Variants in RGR observed in about 807,000 individuals in gnomAD.
The protein encoded by RGR is retinal G protein coupled receptor.
A neutral mutation model predicts 28.6 loss-of-function variants in RGR; 30 were observed. The ratio of observed to expected loss-of-function variants is 1.05; its 90% CI spans 0.78 to 1.42. The LOEUF is 1.42. Ranked by LOEUF, RGR falls within the 40% of genes most tolerant of loss-of-function variation. RGR has a pLI of 0.00. For missense variants in RGR, 404 were observed against 375.6 expected, an observed-to-expected ratio of 1.08 and a Z score of -0.62; for synonymous variants, 180 against 156.4, an observed-to-expected ratio of 1.15 and a Z score of -1.13.
intron 5 of RGR, among the ~76,000 whole-genome samples, chr10:84,255,879 C>A (rs2132888258): frequency 6.6e-6 from 1 of 150,990 alleles, no homozygotes; most frequent in South Asian, 2.1e-4. Context: ...CATGTGCCAC[C>A]ACACCCACCT....
Position 84,248,943 on chromosome 10 carries a change from C to T in RGR, c.258C>T (p.Asp86=), listed in dbSNP as rs561362389. ...SLLRRWPYGS[D]GCQAHGFQGF... ...ACAGGCGCTGGCCCTACGGCTCGGA[C>T]GGCTGCCAGGCTCACGGCTTCCAGG... The change falls in exon 3 of 7, where the codon GAC becomes GAT. Residue 86 remains aspartate, a synonymous_variant. Transcript: ENST00000652092. The T allele has an allele frequency of 6.1e-5, 98 of 1,614,106 alleles. No homozygotes were observed. Among genetic ancestry groups the T allele is most frequent in the East Asian group, 6.0e-4 (27 of 44,878 alleles).
rs1237096528 is a variant in RGR at position 84,248,990 on chromosome 10, G to A, written c.305G>A (p.Ser102Asn). 2.5e-6 allele frequency: 4 copies of A among 1,614,028 alleles called. No individual in the cohort carries two copies. In the South Asian group the frequency reaches 4.4e-5, roughly 18 times the overall value. Residue 102 changes from serine to asparagine, a missense_variant, in exon 3 of 7, where the codon AGC becomes AAC. Ser to Asn is a conservative substitution (Grantham distance 46). Coordinates refer to ENST00000652092, the MANE Select transcript of RGR (RefSeq NM_001012720.2). ...CAGGGCTTTGTGACAGCGTTGGCCAGCATCTGCAGCAGTGCAGCCATCGCA... is the reference window on the plus strand; with the variant it reads ...CAGGGCTTTGTGACAGCGTTGGCCAACATCTGCAGCAGTGCAGCCATCGCA... ...GFQGFVTALA[S>N]ICSSAAIAWG...
chr10:84,258,336 T>C (rs1589337544), intron 6 of RGR, among the ~76,000 whole-genome samples, 172 bp from the exon 7 acceptor site: 1 of 152,040 alleles, frequency 6.6e-6, no homozygotes. Flanking sequence ...AGAGTATGGC[T>C]CCATGGACTC....
chr10:84,248,322 G>T, intron 2 of RGR: 1 of 463,274 alleles, frequency 2.2e-6, no homozygotes, highest in South Asian at 4.2e-5. Flanking sequence ...CAAAAACCAG[G>T]GTCTTCCATC....
In RGR at chr10:84,247,693, C is replaced by T. The variant is rs199679824; in HGVS notation, c.182C>T (p.Ala61Val). The change falls in exon 2 of 7, where the codon GCG becomes GTG. Residue 61 changes from alanine to valine, a missense_variant. Ala to Val is a moderately conservative substitution (Grantham distance 64). Transcript: ENST00000652092. ...CTACTGGTGCTGAGCTTGGCTCTTGCGGACAGTGGGATCAGCCTGAATGCC... is the reference window on the plus strand; with the variant it reads ...CTACTGGTGCTGAGCTTGGCTCTTGTGGACAGTGGGATCAGCCTGAATGCC... Reference protein sequence around the residue: ...CHLLVLSLALADSGISLNALV... With the variant: ...CHLLVLSLALVDSGISLNALV... The T allele has an allele frequency of 1.7e-5, 27 of 1,614,174 alleles. No homozygotes were observed. Among genetic ancestry groups the T allele is most frequent in the Middle Eastern group, 1.6e-4 (1 of 6,062 alleles).
chr10:84,253,513 G>A (rs971834159), intron 4 of RGR, among the ~76,000 whole-genome samples: 1 of 152,188 alleles, frequency 6.6e-6, no homozygotes, highest in Non-Finnish European at 1.5e-5. Context: ...CATGGGGCTC[G>A]TGTTCTGGTA....
Position 84,257,946 on chromosome 10 carries a change from C to T in RGR, c.684C>T (p.Ala228=). ...TGCTGCTCGGCTGGGGCCCCTATGC[C>T]ATCCTGTATCTATACGCAGTCATCG... ...RTLLLGWGPY[A]ILYLYAVIAD... is the part of the protein sequence containing the mutation. Residue 228 remains alanine (A), a synonymous_variant, in exon 6 of 7, where the codon GCC becomes GCT. Transcript: ENST00000652092. 3 of 1,614,230 alleles carry T rather than the reference C, an allele frequency of 1.9e-6. No homozygotes were observed. Among genetic ancestry groups the T allele is most frequent in the Non-Finnish European group, 2.5e-6 (3 of 1,180,036 alleles).
intron 3 of RGR, 134 bp downstream of exon 3, chr10:84,249,177 C>A: frequency 1.6e-6 from 2 of 1,257,998 alleles, no homozygotes; most frequent in Non-Finnish European, 2.3e-6. Flanking sequence ...TGTGAGTGTG[C>A]ATGCATAGGC....
chr10:84,256,640 C>T (rs1216274954), intron 5 of RGR, among the ~76,000 whole-genome samples: 3 of 152,144 alleles, frequency 2.0e-5, no homozygotes, highest in Non-Finnish European at 2.9e-5. Context: ...TTCCTGGGAC[C>T]AGAATCCAGT....
chr10:84,247,775 C>T (rs1367625111), intron 2 of RGR, 28 bp downstream of exon 2: 20 of 1,613,704 alleles, frequency 1.2e-5, no homozygotes, highest in Non-Finnish European at 1.6e-5. Context: ...AGTCCACAGG[C>T]TCTGGGGTCC....
rs1022202951 is a variant in RGR, at chr10:84,250,512, T to C, written c.358+1469T>C. On this transcript the variant is annotated intron_variant, in intron 3 of 6. Transcript: ENST00000652092. Reference sequence around the variant, plus strand: ...CTGCCCCTAATGCTCCCTTGGACCATCTTATACACACACACACACACACAC... The same window carrying C: ...CTGCCCCTAATGCTCCCTTGGACCACCTTATACACACACACACACACACAC... 23 of 623,764 alleles carry C rather than the reference T, an allele frequency of 3.7e-5. No individual in the cohort carries two copies. In the African/African-American group the frequency reaches 4.1e-4, roughly 11 times the overall value. 38.6% of individuals were successfully genotyped at this position (623,764 alleles called of 1,614,324 possible).
chr10:84,254,464 T>A, intron 5 of RGR, 21 bp downstream of exon 5: 1 of 1,586,272 alleles, frequency 6.3e-7, no homozygotes, highest in Non-Finnish European at 8.7e-7. Flanking sequence ...CCTTCCGGAG[T>A]GTTATCTGAT....
At chr10:84,247,895 C>A in intron 2 of RGR, 148 bp downstream of exon 2, 1 of 1,119,640 alleles carries the variant, frequency 8.9e-7, no homozygotes, top group South Asian at 1.3e-5. Context: ...GGGCTGAATT[C>A]CAGATTGATT....
At position 84,254,378 on chromosome 10, in the gene RGR, C is replaced by G. The variant is rs794727709; in HGVS notation, c.565C>G (p.Leu189Val). 1.9e-6 allele frequency: 3 copies of G among 1,614,210 alleles called. No individual in the cohort carries two copies. The highest frequency in any genetic ancestry group is 2.5e-6 in the Non-Finnish European group (3 of 1,180,042). Residue 189 changes from leucine to valine, a missense_variant, in exon 5 of 7, where the codon CTC (leucine) becomes GTC (valine). By Grantham distance (32) the Leu-to-Val change is conservative. Coordinates refer to ENST00000652092, the MANE Select transcript of RGR (RefSeq NM_001012720.2). ...GTCCTTCTTCAACTTCGCCATGCCC[C>G]TCTTCATCACGATCACTTCCTACAG... is the stretch of plus-strand genomic sequence containing the variant. ...TMSFFNFAMP[L>V]FITITSYSLM...
intron 2 of RGR, 104 bp from the exon 3 acceptor site, chr10:84,248,815 GAGA>G (rs1842779010): frequency 1.3e-6 from 2 of 1,589,456 alleles, no homozygotes; most frequent in Non-Finnish European, 1.7e-6. Context: ...GCCCTCTTCA[GAGA>G]AGAAGGGCAG....
Position 84,253,476 on chromosome 10 carries a change from G to A in RGR, c.512+466G>A, listed in dbSNP as rs1314586965. Among the ~76,000 whole-genome samples, 3 of 152,286 alleles carry A rather than the reference G, an allele frequency of 2.0e-5. No homozygotes were observed. The East Asian group carries it at 5.8e-4, about 29-fold the overall frequency. On this transcript the variant is annotated intron_variant, in intron 4 of 6. Transcript: ENST00000652092. ...TATGAGGCAATCCCTGGAGAAATAGGACAGAATGCATGAGGGTCCCCACCC... is the reference window on the plus strand; with the variant it reads ...TATGAGGCAATCCCTGGAGAAATAGAACAGAATGCATGAGGGTCCCCACCC...
At position 84,258,602 on chromosome 10, in the gene RGR, T is replaced by C. The variant is rs778193616; in HGVS notation, c.839T>C (p.Leu280Pro). The part of the protein sequence containing the change: ...EMVCRGIWQC[L>P]SPQKREKDRT... ...GTCTGCAGGGGAATCTGGCAGTGCC[T>C]CTCACCGCAGAAGAGGGAGAAGGAC... Residue 280 changes from leucine (L) to proline (P), a missense_variant, in exon 7 of 7, where the codon CTC becomes CCC. By Grantham distance (98) the Leu-to-Pro change is moderately conservative. Coordinates refer to ENST00000652092, the MANE Select transcript of RGR (RefSeq NM_001012720.2). 1.2e-6 allele frequency: 2 copies of C among 1,614,086 alleles called. No individual in the cohort carries two copies. Among genetic ancestry groups the C allele is most frequent in the Non-Finnish European group, 1.7e-6 (2 of 1,180,010 alleles).
intron 1 of RGR, among the ~76,000 whole-genome samples, chr10:84,246,613 TTATC>T (rs1406065711): frequency 4.6e-5 from 7 of 152,248 alleles, no homozygotes; most frequent in Non-Finnish European, 8.8e-5. Context: ...TACATTTTCT[TTATC>T]CATTCATTGG....
intron 5 of RGR, among the ~76,000 whole-genome samples, chr10:84,254,981 T>C (rs1173783331): frequency 1.3e-5 from 2 of 152,178 alleles, no homozygotes; most frequent in Non-Finnish European, 2.9e-5. Context: ...TTAATCTTAT[T>C]TGTGTTTTGG....
Sources: allele counts gnomAD v4.1 joint callset (sites outside exome capture counted in the v4.1 genomes callset), GRCh38; gene constraint gnomAD v4.1.1; transcripts MANE v1.5; gene names NCBI Gene and HGNC (gene_info 2026-07-23, HGNC 2026-07-21).